FBXL5: variants seen among roughly 807,000 people sequenced by gnomAD.
FBXL5 encodes F-box/LRR-repeat protein 5.
In FBXL5, 26 loss-of-function variants were observed where a neutral mutation model predicts 78.3. The ratio of observed to expected loss-of-function variants is 0.33; its 90% CI spans 0.24 to 0.46. The LOEUF is 0.46. Among genes scored for constraint, FBXL5 ranks in the 20% least tolerant of loss-of-function variants. FBXL5 has a pLI of 1.00. For synonymous variants in FBXL5, 295 were observed against 282.5 expected (o/e 1.04, Z -0.45); for missense variants, 710 against 829.2 (o/e 0.86, Z 1.77).
intron 10 of FBXL5, among the ~76,000 whole-genome samples, chr4:15,607,977 T>C (rs1466584058): frequency 6.6e-6 from 1 of 152,322 alleles, no homozygotes; most frequent in South Asian, 2.1e-4. Context: ...TCTTAGAAAC[T>C]GCGACTCTAA....
upstream of FBXL5, among the ~76,000 whole-genome samples, chr4:15,664,096 C>T (rs1717428689): frequency 6.6e-6 from 1 of 152,190 alleles, no homozygotes; most frequent in African/African-American, 2.4e-5. Flanking sequence ...AGTCTGGCTT[C>T]AGAGCTTCTA....
chr4:15,626,532 T>C (rs1455577426), intron 8 of FBXL5, among the ~76,000 whole-genome samples: 1 of 152,238 alleles, frequency 6.6e-6, no homozygotes, highest in African/African-American at 2.4e-5. Context: ...AGAGTAACTG[T>C]GAAGAATCTA....
intron 1 of FBXL5, among the ~76,000 whole-genome samples, chr4:15,654,059 A>G (rs1289590042): frequency 6.6e-6 from 1 of 152,178 alleles, no homozygotes; most frequent in Admixed American, 6.5e-5. Flanking sequence ...TTGAAATTCA[A>G]CGTCACTGCT....
intron 9 of FBXL5, among the ~76,000 whole-genome samples, chr4:15,617,103 T>C (rs1388019703): frequency 6.6e-6 from 1 of 152,142 alleles, no homozygotes; most frequent in Non-Finnish European, 1.5e-5. Flanking sequence ...AACCCAGCAA[T>C]CCCATTACTA....
upstream of FBXL5, among the ~76,000 whole-genome samples, chr4:15,660,503 T>C (rs1446976995): frequency 6.6e-6 from 1 of 152,178 alleles, no homozygotes; most frequent in East Asian, 1.9e-4. Flanking sequence ...ATACATCTTA[T>C]TTGTGTTCAC....
rs775366661 is a variant in FBXL5, at chr4:15,644,602, T to C, written c.191A>G (p.Tyr64Cys). 1.1e-5 allele frequency: 18 copies of C among 1,614,008 alleles called. No homozygotes were observed. The South Asian group carries it at 1.9e-4, about 17-fold the overall frequency. Reference protein sequence around the residue: ...FKMHEQIENEYIIGLLQQRSQ... With the variant: ...FKMHEQIENECIIGLLQQRSQ... The stretch of plus-strand genomic sequence containing the variant: ...GCGTTGTTGAAGCAAACCAATAATG[T>C]ATTCATTTTCAATCTGCTCATGCAT... The change falls in exon 2 of 11, where the codon TAC (tyrosine) becomes TGC (cysteine). Residue 64 changes from tyrosine to cysteine, a missense_variant. This residue lies in a region of FBXL5 where 132 missense variants were observed against 156.9 expected (regional missense o/e 0.84). Coordinates refer to ENST00000341285, the MANE Select transcript of FBXL5 (RefSeq NM_012161.4).
At chr4:15,633,580 T>C (rs879338682) in intron 5 of FBXL5, among the ~76,000 whole-genome samples, 6 of 152,234 alleles carry the variant, frequency 3.9e-5, no homozygotes, top group Non-Finnish European at 7.3e-5. Context: ...TGAGAGATTA[T>C]GCGGAATCAA....
chr4:15,677,660 TG>T (rs1447756499), intron 1 of FBXL5, among the ~76,000 whole-genome samples: 2 of 152,194 alleles, frequency 1.3e-5, no homozygotes, highest in Non-Finnish European at 2.9e-5. Flanking sequence ...AGAGAGGGCA[TG>T]AAAGTTTTGC....
At chr4:15,673,538 T>C (rs955128681) in intron 1 of FBXL5, among the ~76,000 whole-genome samples, 2 of 152,184 alleles carry the variant, frequency 1.3e-5, no homozygotes, top group Admixed American at 6.5e-5. Flanking sequence ...ATCTATGACA[T>C]CACTAGGTGG....
intron 3 of FBXL5, among the ~76,000 whole-genome samples, chr4:15,638,949 G>A (rs1158877400): frequency 6.6e-6 from 1 of 152,158 alleles, no homozygotes; most frequent in East Asian, 1.9e-4. Context: ...TAGGTCACCT[G>A]AGGTCGGGAG....
intron 1 of FBXL5, among the ~76,000 whole-genome samples, chr4:15,666,336 C>G (rs1717544716): frequency 6.6e-6 from 1 of 151,914 alleles, no homozygotes; most frequent in Non-Finnish European, 1.5e-5. Context: ...GATGGTCCAG[C>G]CTGCAATGAG....
chr4:15,650,780 C>A (rs1715923953), intron 1 of FBXL5, among the ~76,000 whole-genome samples: 1 of 151,044 alleles, frequency 6.6e-6, no homozygotes, highest in Non-Finnish European at 1.5e-5. Flanking sequence ...TTACAGGACC[C>A]CGCCACCATG....
intron 1 of FBXL5, among the ~76,000 whole-genome samples, chr4:15,665,840 G>A (rs557535414): frequency 6.6e-6 from 1 of 152,076 alleles, no homozygotes; most frequent in African/African-American, 2.4e-5. Flanking sequence ...CTGTTGGTAG[G>A]AATCCGATGA....
chr4:15,609,796 T>G (rs187553332), intron 10 of FBXL5, among the ~76,000 whole-genome samples: 1 of 152,172 alleles, frequency 6.6e-6, no homozygotes, highest in East Asian at 1.9e-4. Flanking sequence ...ACACTTTATG[T>G]ACAGTGTCTT....
At chr4:15,628,785 A>ACACACGCACG (rs10682962) in intron 6 of FBXL5, among the ~76,000 whole-genome samples, 3 of 98,148 alleles carry the variant, frequency 3.1e-5, no homozygotes, top group Admixed American at 1.1e-4. Flanking sequence ...ACACACACAC[A>ACACACGCACG]CACGCACACA....
intron 1 of FBXL5, among the ~76,000 whole-genome samples, chr4:15,645,402 T>C (rs1211584459): frequency 6.6e-6 from 1 of 152,204 alleles, no homozygotes; most frequent in South Asian, 2.1e-4. Context: ...ATTACTTAAC[T>C]GTGTAACCCT....
intron 9 of FBXL5, among the ~76,000 whole-genome samples, chr4:15,624,852 C>T (rs6414764): frequency 0.24 from 36,786 of 151,992 alleles, 4,673 homozygotes; most frequent in African/African-American, 0.28. Context: ...GGACAGCCTA[C>T]GTTTTCCAAA....
At chr4:15,665,754 C>T (rs1417725583) in intron 1 of FBXL5, among the ~76,000 whole-genome samples, 2 of 152,108 alleles carry the variant, frequency 1.3e-5, no homozygotes, top group African/African-American at 4.8e-5. Flanking sequence ...TATCTGGCCC[C>T]CAGTCCAAAA....
intron 10 of FBXL5, among the ~76,000 whole-genome samples, chr4:15,611,522 T>C (rs1722264924): frequency 6.6e-6 from 1 of 152,150 alleles, no homozygotes; most frequent in South Asian, 2.1e-4. Flanking sequence ...AGAGCAGCTT[T>C]TTATGCTTCT....
Sources: gnomAD v4.1 joint callset for allele counts (sites outside exome capture counted in the v4.1 genomes callset) on GRCh38, gnomAD v4.1.1 for gene constraint, gnomAD v4.1.1 regional missense constraint, MANE v1.5 for transcripts, NCBI Gene and HGNC (gene_info 2026-07-23, HGNC 2026-07-21) for gene names.